LRP2: variants seen among roughly 807,000 people sequenced by gnomAD.
LRP2 encodes LDL receptor related protein 2, also known as low-density lipoprotein receptor-related protein 2.
Under a neutral mutation model 531.0 loss-of-function variants are expected in LRP2, and 172 were observed. The ratio of observed to expected loss-of-function variants is 0.32; its 90% confidence interval spans 0.29 to 0.37. The LOEUF (loss-of-function observed/expected upper bound fraction) is 0.37. Among genes scored for constraint, LRP2 ranks in the 10% least tolerant of loss-of-function variants. The pLI, the probability that LRP2 is intolerant of heterozygous loss-of-function variation, is 1.00. For synonymous variants in LRP2, 1,992 were observed against 2,027.6 expected, an observed-to-expected ratio of 0.98 and a Z score of 0.47; for missense variants, 5,167 against 5,868.3, an observed-to-expected ratio of 0.88 and a Z score of 3.90.
chr2:169,316,732 A>G (rs996109721), intron 3 of LRP2, among the ~76,000 whole-genome samples: 1 of 152,286 alleles, frequency 6.6e-6, no homozygotes, highest in Non-Finnish European at 1.5e-5. Flanking sequence ...GAGGGTCACT[A>G]AAGTCATGAG....
chr2:169,224,196 G>GA (rs1184657030), intron 33 of LRP2, among the ~76,000 whole-genome samples: 1 of 152,228 alleles, frequency 6.6e-6, no homozygotes, highest in Non-Finnish European at 1.5e-5. Flanking sequence ...ATGCTCCAGA[G>GA]AAAAACCGTC....
At chr2:169,130,502 G>C (rs953353011) in intron 77 of LRP2, among the ~76,000 whole-genome samples, 1 of 152,124 alleles carries the variant, frequency 6.6e-6, no homozygotes, top group African/African-American at 2.4e-5. Flanking sequence ...TGGCCAGGTT[G>C]GTCTTGAACT....
intron 25 of LRP2, 79 bp from the exon 26 acceptor site, chr2:169,239,854 T>TTATGCAATTATTAA (rs1689741112): frequency 7.9e-7 from 1 of 1,271,984 alleles, no homozygotes; most frequent in African/African-American, 1.5e-5. Context: ...GCAATATTTA[T>TTATGCAATTATTAA]TATGCAGTCT....
chr2:169,336,683 A>G (rs532157973), intron 1 of LRP2, among the ~76,000 whole-genome samples: 38 of 152,320 alleles, frequency 2.5e-4, no homozygotes, highest in African/African-American at 8.4e-4. Flanking sequence ...CAAACACTCC[A>G]AACTAAATGC....
intron 14 of LRP2, among the ~76,000 whole-genome samples, chr2:169,274,241 G>A (rs1342973197): frequency 6.6e-6 from 1 of 152,068 alleles, no homozygotes; most frequent in Non-Finnish European, 1.5e-5. Flanking sequence ...GCTATATACA[G>A]TCCTGATAGA....
At chr2:169,161,351 G>A (rs1303436224) in intron 63 of LRP2, among the ~76,000 whole-genome samples, 1 of 152,212 alleles carries the variant, frequency 6.6e-6, no homozygotes, top group African/African-American at 2.4e-5. Context: ...CTACAAAGGT[G>A]TGACTTAGTA....
At chr2:169,339,375 C>G (rs1400083871) in intron 1 of LRP2, among the ~76,000 whole-genome samples, 1 of 152,066 alleles carries the variant, frequency 6.6e-6, no homozygotes, top group Non-Finnish European at 1.5e-5. Context: ...TAAAACTGAA[C>G]TAGAAAAATA....
Position 169,233,547 on chromosome 2 carries a change from A to G in LRP2, c.4962T>C (p.Ser1654=). ...GAGTAGCACGGTCAGTCCAGTACAC[A>G]GAGTCTTCAAAGAGAGTTAGGGCAT... ...HPYALTLFED[S]VYWTDRATRR... Residue 1654 remains serine (S), a synonymous_variant, in exon 30 of 79, where the codon TCT becomes TCC. Coordinates refer to ENST00000649046, the MANE Select transcript of LRP2 (RefSeq NM_004525.3). 6.2e-7 allele frequency: 1 copy of G among 1,614,174 alleles called. No homozygotes were observed. The highest frequency in any genetic ancestry group is 8.5e-7 in the Non-Finnish European group (1 of 1,180,032).
intron 1 of LRP2, among the ~76,000 whole-genome samples, chr2:169,328,818 T>C (rs1253872076): frequency 6.6e-6 from 1 of 152,232 alleles, no homozygotes; most frequent in East Asian, 1.9e-4. Context: ...CCTGTACTTA[T>C]TTCATCATTT....
chr2:169,170,579 A>G lies in LRP2; in HGVS notation c.11352T>C (p.Cys3784=). Residue 3784 remains cysteine (C), a synonymous_variant, in exon 59 of 79, where the codon TGT becomes TGC. Transcript: ENST00000649046. ...SRWICDHYND[C]GDNSDERDCE... ...AGTCCCGTTCATCTGAGTTGTCCCCACAGTCGTTGTAATGGTCACAGATCC... is the reference window on the plus strand; with the variant it reads ...AGTCCCGTTCATCTGAGTTGTCCCCGCAGTCGTTGTAATGGTCACAGATCC... 1 of 1,614,094 alleles carries G rather than the reference A, an allele frequency of 6.2e-7. No individual in the cohort carries two copies. The highest frequency in any genetic ancestry group is 8.5e-7 in the Non-Finnish European group (1 of 1,179,966).
At chr2:169,190,512 C>T (rs1548936) in intron 48 of LRP2, among the ~76,000 whole-genome samples, 113,243 of 152,092 alleles carry the variant, frequency 0.74, 42,524 homozygotes, top group South Asian at 0.83. Flanking sequence ...TGGACTCCAA[C>T]GGTACATTAG....
intron 8 of LRP2, among the ~76,000 whole-genome samples, chr2:169,290,489 G>A (rs1439292040): frequency 6.6e-6 from 1 of 151,830 alleles, no homozygotes. Context: ...ATCCACTCTG[G>A]GTTTGGCCAA....
chr2:169,275,286 T>C, intron 13 of LRP2, 48 bp from the exon 14 acceptor site: 1 of 1,468,338 alleles, frequency 6.8e-7, no homozygotes, highest in Non-Finnish European at 9.5e-7. Flanking sequence ...AGTTTTGCTT[T>C]ATTATAATTA....
chr2:169,211,959 T>C lies in LRP2; in HGVS notation c.6280+9A>G, dbSNP rs781332783. On this transcript the variant is annotated intron_variant, in intron 37 of 78. Transcript: ENST00000649046. Reference sequence around the variant, plus strand: ...AAGTCAAATCTTACTTATATTGGAGTTGGCATACCTTGGCCTGCCACCGGC... The same window carrying C: ...AAGTCAAATCTTACTTATATTGGAGCTGGCATACCTTGGCCTGCCACCGGC... 7 of 1,613,734 alleles carry C rather than the reference T, an allele frequency of 4.3e-6. No homozygotes were observed. In the South Asian group the frequency reaches 5.5e-5, roughly 13 times the overall value.
chr2:169,299,842 C>A (rs1480276094), intron 4 of LRP2, among the ~76,000 whole-genome samples: 1 of 152,082 alleles, frequency 6.6e-6, no homozygotes, highest in East Asian at 1.9e-4. Flanking sequence ...ATAAGAGTAG[C>A]CACTTTCCAA....
At chr2:169,196,706 A>G (rs1318706437) in intron 46 of LRP2, among the ~76,000 whole-genome samples, 2 of 152,238 alleles carry the variant, frequency 1.3e-5, no homozygotes, top group African/African-American at 4.8e-5. Context: ...CAGCTTCCGT[A>G]TCCTGATCAG....
At chr2:169,314,424 TA>T (rs112912157) in intron 3 of LRP2, among the ~76,000 whole-genome samples, 347 of 143,622 alleles carry the variant, frequency 2.4e-3, no homozygotes, top group Middle Eastern at 0.011. Context: ...CCCCTGTCTC[TA>T]AAAAAAAAAA....
At chr2:169,356,719 ACC>A (rs1310896650) in intron 1 of LRP2, among the ~76,000 whole-genome samples, 1 of 152,230 alleles carries the variant, frequency 6.6e-6, no homozygotes, top group Non-Finnish European at 1.5e-5. Context: ...CATGTGAAGA[ACC>A]ACAGAAATGC....
intron 47 of LRP2, among the ~76,000 whole-genome samples, chr2:169,192,567 T>G (rs1687868045): frequency 6.6e-6 from 1 of 152,060 alleles, no homozygotes; most frequent in South Asian, 2.1e-4. Flanking sequence ...TCCAACTACA[T>G]TATAGCTACC....
Sources: gnomAD v4.1 joint callset for allele counts (sites outside exome capture counted in the v4.1 genomes callset) on GRCh38, gnomAD v4.1.1 for gene constraint, MANE v1.5 for transcripts, NCBI Gene and HGNC (gene_info 2026-07-23, HGNC 2026-07-21) for gene names.